The following PLIN3 variants were observed in gnomAD, a reference collection of about 807,000 sequenced individuals.
PLIN3 encodes perilipin-3.
Under a neutral mutation model 35.9 loss-of-function variants are expected in PLIN3, and 30 were observed. The observed-to-expected ratio is 0.84, with a 90% confidence interval of 0.62 to 1.13. The LOEUF (loss-of-function observed/expected upper bound fraction) is 1.13. Among genes scored for constraint, PLIN3 ranks in the 50% most tolerant of loss-of-function variants. The pLI, the probability that PLIN3 is intolerant of heterozygous loss-of-function variation, is 0.00. For missense variants in PLIN3, 603 were observed against 596.9 expected (o/e 1.01, Z -0.11); for synonymous variants, 261 against 262.5 (o/e 0.99, Z 0.06).
chr19:4,839,314 C>T lies in PLIN3; in HGVS notation c.1183G>A (p.Ala395Thr), dbSNP rs371377226. The change falls in exon 8 of 8, where the codon GCC becomes ACC. Residue 395 changes from alanine to threonine, a missense_variant. Physicochemically the swap from Ala to Thr is moderately conservative, Grantham distance 58. Transcript: ENST00000221957. The stretch of plus-strand genomic sequence containing the variant: ...TGGTCCAGGGCCTCGCGGGCGCTGG[C>T]GACACGCTCACGGCTCTGGGCCAGA... ...SILAQSRERV[A>T]SAREALDHMV... 36 of 1,613,918 alleles carry T rather than the reference C, an allele frequency of 2.2e-5. No individual in the cohort carries two copies. The Admixed American group carries it at 4.3e-4, about 19-fold the overall frequency.
chr19:4,843,006 C>T (rs1191917853), intron 7 of PLIN3, among the ~76,000 whole-genome samples: 1 of 142,034 alleles, frequency 7.0e-6, no homozygotes, highest in Non-Finnish European at 1.5e-5. Flanking sequence ...GGATCACCTG[C>T]GGTCAGGAGT....
intron 7 of PLIN3, among the ~76,000 whole-genome samples, chr19:4,841,680 T>C (rs1413936400): frequency 6.7e-6 from 1 of 148,954 alleles, no homozygotes; most frequent in Admixed American, 6.7e-5. Flanking sequence ...GGAGGGTGGA[T>C]CATGAGGTCA....
At chr19:4,863,512 A>AG (rs1007043649) in intron 1 of PLIN3, among the ~76,000 whole-genome samples, 22 of 148,776 alleles carry the variant, frequency 1.5e-4, no homozygotes, top group Admixed American at 4.7e-4. Context: ...AAAAAAAAAA[A>AG]AGAGATTTAA....
intron 4 of PLIN3, among the ~76,000 whole-genome samples, chr19:4,855,684 A>G (rs1386524734): frequency 1.3e-5 from 2 of 152,054 alleles, no homozygotes; most frequent in Non-Finnish European, 2.9e-5. Flanking sequence ...CTGGGATTAC[A>G]GGCGTGAGCC....
At chr19:4,867,537 C>G (rs1405295963) in intron 1 of PLIN3, 72 bp downstream of exon 1, 1 of 152,118 alleles carries the variant, frequency 6.6e-6, no homozygotes, top group African/African-American at 2.4e-5. Context: ...CCCGACCCCT[C>G]CGGCCCCTGG....
chr19:4,841,904 CAAAAAAAAA>C (rs111932271), intron 7 of PLIN3, among the ~76,000 whole-genome samples: 37 of 38,684 alleles, frequency 9.6e-4, no homozygotes, highest in African/African-American at 2.1e-3. Context: ...GACTCCATCT[CAAAAAAAAA>C]AAAAAAAAAA....
chr19:4,861,364 T>C lies in PLIN3; in HGVS notation c.31A>G (p.Ser11Gly), dbSNP rs747870405. 6 of 1,613,228 alleles carry C rather than the reference T, an allele frequency of 3.7e-6. No individual in the cohort carries two copies. The South Asian group carries it at 4.4e-5, about 12-fold the overall frequency. MSADGAEADG[S>G]TQVTVEEPVQ... is the part of the protein sequence containing the mutation. ...GGTTCTTCCACTGTCACCTGGGTGC[T>C]GCCATCAGCCTCTGCCCCGTCGGCA... The change falls in exon 2 of 8, where the codon AGC becomes GGC. Residue 11 changes from serine (S) to glycine (G), a missense_variant. Physicochemically the swap from Ser to Gly is moderately conservative, Grantham distance 56 (BLOSUM62 0). Transcript: ENST00000221957.
chr19:4,841,853 C>T (rs192447588), intron 7 of PLIN3, among the ~76,000 whole-genome samples: 34 of 137,014 alleles, frequency 2.5e-4, no homozygotes, highest in African/African-American at 7.8e-4. Flanking sequence ...TGCAGTGAGC[C>T]GAAATCGCGT....
Position 4,858,614 on chromosome 19 carries a change from C to T in PLIN3, c.348+976G>A, listed in dbSNP as rs369204793. ...TGCCAGGATGGTCTCGATCTCCTGA[C>T]CTTGTGATCCGCCCACCTCAGCCTC... On this transcript the variant is annotated intron_variant, in intron 4 of 7. Transcript: ENST00000221957. Among the ~76,000 whole-genome samples the T allele has an allele frequency of 2.6e-5, 4 of 151,562 alleles. No homozygotes were observed. The South Asian group carries it at 6.2e-4, about 24-fold the overall frequency.
chr19:4,841,734 C>A (rs2029896331), intron 7 of PLIN3, among the ~76,000 whole-genome samples: 2 of 150,950 alleles, frequency 1.3e-5, no homozygotes. Flanking sequence ...AACCCCATCT[C>A]TACTAAAAAA....
chr19:4,861,304 G>C (rs371596159), intron 2 of PLIN3, 25 bp downstream of exon 2: 1 of 1,604,022 alleles, frequency 6.2e-7, no homozygotes, highest in Non-Finnish European at 8.5e-7. Context: ...GGTCGGGGCA[G>C]TCCCTGGTCC....
chr19:4,842,599 C>CAAAAA (rs11383489), intron 7 of PLIN3, among the ~76,000 whole-genome samples: 1 of 46,908 alleles, frequency 2.1e-5, no homozygotes, highest in Non-Finnish European at 3.6e-5. Flanking sequence ...GACTCTATCT[C>CAAAAA]AAAAAAAAAA....
chr19:4,847,338 C>T (rs1254543517), intron 6 of PLIN3, among the ~76,000 whole-genome samples: 1 of 151,956 alleles, frequency 6.6e-6, no homozygotes, highest in Non-Finnish European at 1.5e-5. Context: ...TACAGGCACG[C>T]ACCACCACAG....
intron 7 of PLIN3, 128 bp downstream of exon 7, chr19:4,844,540 A>C (rs1261600092): frequency 9.9e-6 from 10 of 1,013,494 alleles, no homozygotes; most frequent in African/African-American, 1.6e-5. Flanking sequence ...AGGAGGTGTC[A>C]TTAGCTTCCA....
At chr19:4,865,944 C>T (rs934972778) in intron 1 of PLIN3, among the ~76,000 whole-genome samples, 33 of 151,166 alleles carry the variant, frequency 2.2e-4, no homozygotes, top group East Asian at 1.4e-3. Context: ...AGGATCGTCT[C>T]GATCTCCTGA....
chr19:4,848,460 C>T (rs559579036), intron 5 of PLIN3, among the ~76,000 whole-genome samples: 245 of 152,352 alleles, frequency 1.6e-3, no homozygotes, highest in African/African-American at 5.7e-3. Context: ...CAGGCCAGAC[C>T]TGCCTTGGAC....
chr19:4,850,680 C>T (rs545748910), intron 5 of PLIN3, among the ~76,000 whole-genome samples: 1 of 148,862 alleles, frequency 6.7e-6, no homozygotes, highest in African/African-American at 2.5e-5. Context: ...GTGATCCGCC[C>T]GGCCTTGGCC....
At chr19:4,853,304 T>C (rs1015040218) in intron 4 of PLIN3, among the ~76,000 whole-genome samples, 2 of 151,708 alleles carry the variant, frequency 1.3e-5, no homozygotes, top group Non-Finnish European at 2.9e-5. Context: ...CTCGTGGCTA[T>C]TTTTTATCTT....
chr19:4,849,746 G>A lies in PLIN3; in HGVS notation c.635-1856C>T, dbSNP rs554186896. 3.3e-5 allele frequency among the ~76,000 whole-genome samples: 5 copies of A among 151,498 alleles called. No individual in the cohort carries two copies. In the East Asian group the frequency reaches 7.8e-4, roughly 24 times the overall value. On this transcript the variant is annotated intron_variant, in intron 5 of 7. Coordinates refer to ENST00000221957, the MANE Select transcript of PLIN3 (RefSeq NM_005817.5). ...CGGCTCACTGCAACCTCCGCCTCCC[G>A]GGTTCAAGTGATTCTCCTGCCTTAG...
Sources: gnomAD v4.1 joint callset for allele counts (sites outside exome capture counted in the v4.1 genomes callset) on GRCh38, gnomAD v4.1.1 for gene constraint, MANE v1.5 for transcripts, NCBI Gene and HGNC (gene_info 2026-07-23, HGNC 2026-07-21) for gene names.